The following B4GALT5 variants were observed in gnomAD, a reference collection of about 807,000 sequenced individuals.
B4GALT5 encodes the protein beta-1,4-galactosyltransferase 5.
In B4GALT5, 11 loss-of-function variants were observed where a neutral mutation model predicts 45.0. The observed-to-expected ratio is 0.24, with a 90% CI of 0.15 to 0.40. B4GALT5 has a LOEUF of 0.40. Among genes scored for constraint, B4GALT5 ranks in the 10% least tolerant of loss-of-function variants. B4GALT5 has a pLI of 1.00. For synonymous variants in B4GALT5, 185 were observed against 182.9 expected (o/e 1.01, Z -0.09); for missense variants, 337 against 500.2 (o/e 0.67, Z 3.11).
intron 1 of B4GALT5, among the ~76,000 whole-genome samples, chr20:49,684,770 A>T (rs532995431): frequency 6.6e-6 from 1 of 152,340 alleles, no homozygotes; most frequent in East Asian, 1.9e-4. Flanking sequence ...GGCATGCGGT[A>T]GGATTAGAGT....
At chr20:49,686,491 A>G (rs927668075) in intron 1 of B4GALT5, among the ~76,000 whole-genome samples, 2 of 152,140 alleles carry the variant, frequency 1.3e-5, no homozygotes, top group African/African-American at 4.8e-5. Context: ...AAGTGACCTA[A>G]GTTCCCAATT....
chr20:49,674,897 T>C (rs2085731306), intron 1 of B4GALT5, among the ~76,000 whole-genome samples: 2 of 152,162 alleles, frequency 1.3e-5, no homozygotes, highest in South Asian at 4.1e-4. Context: ...CTCTGGAATT[T>C]CAGTTCTTGC....
Position 49,633,408 on chromosome 20 carries a change from C to CA in B4GALT5, c.*2903dup, listed in dbSNP as rs1487926449. 1 of 146,610 alleles carries CA rather than the reference C, an allele frequency of 6.8e-6. No homozygotes were observed. The highest frequency in any genetic ancestry group is 1.5e-5 in the Non-Finnish European group (1 of 67,172). The allele number at this position is 146,610 out of a possible 1,614,324, so 9.1% of individuals were successfully genotyped here. A position where few individuals can be genotyped will look rare whatever the true frequency, so the allele number is the denominator to read the frequency against. On this transcript the variant is annotated 3_prime_UTR_variant, in exon 9 of 9. Transcript: ENST00000371711. ...AGTAGCCTTGAAGATTTTCAGCTACCAATATATGCACAAGGTCACATTTGG... is the reference window on the plus strand; with the variant it reads ...AGTAGCCTTGAAGATTTTCAGCTACCAAATATATGCACAAGGTCACATTTGG...
At chr20:49,686,745 A>AG (rs1457393925) in intron 1 of B4GALT5, among the ~76,000 whole-genome samples, 3 of 150,422 alleles carry the variant, frequency 2.0e-5, no homozygotes, top group Non-Finnish European at 4.4e-5. Flanking sequence ...AAAAAAAAAA[A>AG]AAAAAAAGCC....
intron 1 of B4GALT5, among the ~76,000 whole-genome samples, chr20:49,671,540 T>C (rs955189159): frequency 6.6e-6 from 1 of 152,180 alleles, no homozygotes; most frequent in African/African-American, 2.4e-5. Flanking sequence ...AAGGAAAATA[T>C]AAGCCTAGAA....
intron 1 of B4GALT5, among the ~76,000 whole-genome samples, chr20:49,664,208 CAAG>C (rs1399625484): frequency 6.6e-6 from 1 of 151,958 alleles, no homozygotes; most frequent in Admixed American, 6.6e-5. Context: ...GAAGAGAAAA[CAAG>C]AAGATAAATC....
In B4GALT5 at chr20:49,663,675, GAAAA is replaced by G. The variant is rs869246702; in HGVS notation, c.116-6977_116-6974del. ...GCAACATAGTGAGAATTCATCTCAA[GAAAA>G]AAAAAAAAAAAATATATACATATAT... On this transcript the variant is annotated intron_variant, in intron 1 of 8. Coordinates refer to ENST00000371711, the MANE Select transcript of B4GALT5 (RefSeq NM_004776.4). Among the ~76,000 whole-genome samples the G allele has an allele frequency of 3.7e-3, 11 of 3,010 alleles. 1 individual carries two copies. Among genetic ancestry groups the G allele is most frequent in the African/African-American group, 6.7e-3 (8 of 1,190 alleles). The allele number at this position is 3,010 out of a possible 152,430, so 2.0% of individuals were successfully genotyped here. A position where few individuals can be genotyped will look rare whatever the true frequency, so the allele number is the denominator to read the frequency against.
chr20:49,711,047 C>T (rs1008006), intron 1 of B4GALT5, among the ~76,000 whole-genome samples: 93,610 of 148,506 alleles, frequency 0.63, 30,038 homozygotes, highest in Middle Eastern at 0.74. Context: ...CATCACTGCA[C>T]GACAGCCTGG....
At chr20:49,668,255 C>G (rs1316467207) in intron 1 of B4GALT5, among the ~76,000 whole-genome samples, 2 of 152,026 alleles carry the variant, frequency 1.3e-5, no homozygotes, top group Non-Finnish European at 1.5e-5. Flanking sequence ...TAAAAATTAA[C>G]AGCTATGAAG....
intron 7 of B4GALT5, among the ~76,000 whole-genome samples, chr20:49,637,655 TG>T (rs2085559825): frequency 6.6e-6 from 1 of 151,892 alleles, no homozygotes; most frequent in Non-Finnish European, 1.5e-5. Flanking sequence ...AAAAATAGGC[TG>T]GGCTAGGTGG....
At chr20:49,678,993 A>C (rs2085752800) in intron 1 of B4GALT5, among the ~76,000 whole-genome samples, 1 of 152,164 alleles carries the variant, frequency 6.6e-6, no homozygotes. Flanking sequence ...ACATGATTAC[A>C]TTAAAAGGGG....
intron 1 of B4GALT5, among the ~76,000 whole-genome samples, chr20:49,685,639 T>C (rs1407519674): frequency 6.6e-6 from 1 of 152,158 alleles, no homozygotes; most frequent in African/African-American, 2.4e-5. Flanking sequence ...ATAAAGGCAA[T>C]GTGAAAATAT....
At chr20:49,689,430 A>T (rs1340717774) in intron 1 of B4GALT5, among the ~76,000 whole-genome samples, 1 of 152,224 alleles carries the variant, frequency 6.6e-6, no homozygotes, top group Non-Finnish European at 1.5e-5. Context: ...ACAAATTTGT[A>T]ACATCTTTTT....
At chr20:49,652,384 A>G (rs2085626127) in intron 2 of B4GALT5, among the ~76,000 whole-genome samples, 1 of 151,954 alleles carries the variant, frequency 6.6e-6, no homozygotes, top group Admixed American at 6.6e-5. Flanking sequence ...TGAAAAAAAT[A>G]TGGAAATTTA....
rs369232766 is a variant in B4GALT5 at position 49,633,302 on chromosome 20, A to T, written c.*3010T>A. ...TGAGTATTCTTGCAAATACCCCCCC[A>T]CCCCCCAAAACAGCATGAACAAACG... On this transcript the variant is annotated 3_prime_UTR_variant, in exon 9 of 9. Coordinates refer to ENST00000371711, the MANE Select transcript of B4GALT5 (RefSeq NM_004776.4). 2.4e-5 allele frequency: 1 copy of T among 41,922 alleles called. No individual in the cohort carries two copies. The allele number at this position is 41,922 out of a possible 1,614,324, so 2.6% of individuals were successfully genotyped here.
intron 1 of B4GALT5, among the ~76,000 whole-genome samples, chr20:49,699,071 A>C (rs1223765756): frequency 2.0e-5 from 3 of 152,184 alleles, no homozygotes; most frequent in African/African-American, 7.2e-5. Flanking sequence ...ACCAACAAGA[A>C]AGCCATTAAC....
intron 5 of B4GALT5, among the ~76,000 whole-genome samples, chr20:49,640,962 A>T (rs2085574650): frequency 6.6e-6 from 1 of 152,154 alleles, no homozygotes; most frequent in African/African-American, 2.4e-5. Flanking sequence ...AAAATACAAA[A>T]ACATTAGCTA....
At chr20:49,637,141 T>C (rs2085557473) in intron 8 of B4GALT5, among the ~76,000 whole-genome samples, 200 bp downstream of exon 8, 1 of 152,164 alleles carries the variant, frequency 6.6e-6, no homozygotes, top group Non-Finnish European at 1.5e-5. Context: ...CGAAGAATCT[T>C]ACTATTGAAA....
At chr20:49,637,262 G>C in intron 8 of B4GALT5, 79 bp downstream of exon 8, 1 of 1,274,008 alleles carries the variant, frequency 7.8e-7, no homozygotes, top group Non-Finnish European at 1.1e-6. Flanking sequence ...GTAGGAGAAG[G>C]GGCTGTAATA....
Sources: gnomAD v4.1 joint callset for allele counts (sites outside exome capture counted in the v4.1 genomes callset) on GRCh38, gnomAD v4.1.1 for gene constraint, MANE v1.5 for transcripts, NCBI Gene and HGNC (gene_info 2026-07-23, HGNC 2026-07-21) for gene names.